PDE3A: variants seen among roughly 807,000 people sequenced by gnomAD.
The protein encoded by PDE3A is cGMP-inhibited 3',5'-cyclic phosphodiesterase 3A.
In PDE3A, 43 loss-of-function variants were observed where a neutral mutation model predicts 98.3. The observed-to-expected ratio is 0.44, with a 90% CI of 0.34 to 0.56. The LOEUF (loss-of-function observed/expected upper bound fraction) is 0.56, where lower values mean the gene tolerates loss of function less well. Ranked by LOEUF, PDE3A falls within the 20% of genes least tolerant of loss-of-function variation. The probability of loss-of-function intolerance (pLI) is 0.01; values close to 1 mark genes in which losing one functional copy is unlikely to be tolerated. For missense variants in PDE3A, 1,427 were observed against 1,440.7 expected (o/e 0.99, Z 0.15); for synonymous variants, 663 against 567.9 (o/e 1.17, Z -2.38).
chr12:20,413,462 A>G (rs938515241), intron 1 of PDE3A, among the ~76,000 whole-genome samples: 2 of 152,122 alleles, frequency 1.3e-5, no homozygotes, highest in African/African-American at 4.8e-5. Context: ...GCCCAGCAAG[A>G]AACAGAAATT....
In PDE3A at chr12:20,681,143, A is replaced by G. The variant is rs1215118689; in HGVS notation, c.*872A>G. 1 of 152,094 alleles carries G rather than the reference A, an allele frequency of 6.6e-6. No homozygotes were observed. Among genetic ancestry groups the G allele is most frequent in the African/African-American group, 2.4e-5 (1 of 41,404 alleles). 9.4% of individuals were successfully genotyped at this position (152,094 alleles called of 1,614,324 possible). A position where few individuals can be genotyped will look rare whatever the true frequency, so the allele number is the denominator to read the frequency against. On this transcript the variant is annotated 3_prime_UTR_variant, in exon 16 of 16. Coordinates refer to ENST00000359062, the MANE Select transcript of PDE3A (RefSeq NM_000921.5). ...ACGTGTTTGGTATTACATTACTGCT[A>G]TGCACCACTTGAAGGAGCTCTATCA...
At chr12:20,651,584 G>A (rs939996835) in intron 14 of PDE3A, among the ~76,000 whole-genome samples, 2 of 152,106 alleles carry the variant, frequency 1.3e-5, no homozygotes, top group African/African-American at 4.8e-5. Flanking sequence ...GTCTATAGAA[G>A]TTATTGGGAG....
chr12:20,599,696 C>T (rs986520953), intron 2 of PDE3A, among the ~76,000 whole-genome samples: 1 of 152,048 alleles, frequency 6.6e-6, no homozygotes, highest in Non-Finnish European at 1.5e-5. Flanking sequence ...CTGTGTTTAC[C>T]CTTCAGCATT....
intron 2 of PDE3A, among the ~76,000 whole-genome samples, chr12:20,596,827 T>G (rs1019733891): frequency 3.3e-5 from 5 of 152,180 alleles, no homozygotes; most frequent in African/African-American, 9.7e-5. Flanking sequence ...CAAGTTCCCC[T>G]TAATAATCTT....
At chr12:20,662,653 A>G (rs1471536812) in intron 15 of PDE3A, among the ~76,000 whole-genome samples, 1 of 152,222 alleles carries the variant, frequency 6.6e-6, no homozygotes, top group East Asian at 1.9e-4. Context: ...AAAGCACTCA[A>G]GAGGTGACTT....
intron 10 of PDE3A, among the ~76,000 whole-genome samples, chr12:20,641,653 G>A (rs1374609826): frequency 6.6e-6 from 1 of 151,880 alleles, no homozygotes; most frequent in African/African-American, 2.4e-5. Flanking sequence ...TTTCACAGGT[G>A]GTATATCATT....
intron 2 of PDE3A, among the ~76,000 whole-genome samples, chr12:20,562,627 A>G (rs1224938295): frequency 2.6e-5 from 4 of 152,084 alleles, no homozygotes; most frequent in African/African-American, 4.8e-5. Flanking sequence ...GATTAGTTCA[A>G]TTTGTGAATT....
chr12:20,569,899 C>T (rs1411737971), intron 2 of PDE3A, among the ~76,000 whole-genome samples: 1 of 152,126 alleles, frequency 6.6e-6, no homozygotes, highest in Non-Finnish European at 1.5e-5. Context: ...TTATGGCATA[C>T]AGAACAGAAT....
Position 20,567,772 on chromosome 12 carries a change from T to C in PDE3A, c.1011+11062T>C, listed in dbSNP as rs541732588. On this transcript the variant is annotated intron_variant, in intron 2 of 15. Coordinates refer to ENST00000359062, the MANE Select transcript of PDE3A (RefSeq NM_000921.5). ...CATGATATGACCAGGCTTTTCACTA[T>C]GTTTTGCCATTTATTTGGCTTAAAA... Among the ~76,000 whole-genome samples, 14 of 152,094 alleles carry C rather than the reference T, an allele frequency of 9.2e-5. No individual in the cohort carries two copies. In the East Asian group the frequency reaches 2.3e-3, roughly 25 times the overall value.
At chr12:20,583,172 T>A (rs1943110818) in intron 2 of PDE3A, among the ~76,000 whole-genome samples, 1 of 152,172 alleles carries the variant, frequency 6.6e-6, no homozygotes, top group Non-Finnish European at 1.5e-5. Context: ...AGAGTAAGTT[T>A]TTGAATATAA....
intron 2 of PDE3A, chr12:20,572,301 A>C (rs1475756423): frequency 4.2e-6 from 1 of 237,180 alleles, no homozygotes; most frequent in Non-Finnish European, 8.0e-6. Flanking sequence ...GGCTCAGTGT[A>C]TTTATTAAAT....
At chr12:20,389,342 A>T (rs1031330416) in intron 1 of PDE3A, among the ~76,000 whole-genome samples, 1 of 151,924 alleles carries the variant, frequency 6.6e-6, no homozygotes, top group African/African-American at 2.4e-5. Flanking sequence ...GAGGTTATCC[A>T]CTGAGGAGGC....
chr12:20,676,266 T>G (rs970172567), intron 15 of PDE3A, among the ~76,000 whole-genome samples: 8 of 152,140 alleles, frequency 5.3e-5, no homozygotes, highest in Non-Finnish European at 8.8e-5. Context: ...GGTCTAGTGG[T>G]GATGAATTCT....
intron 1 of PDE3A, among the ~76,000 whole-genome samples, chr12:20,492,077 T>C (rs1353489958): frequency 2.6e-5 from 4 of 152,084 alleles, no homozygotes; most frequent in African/African-American, 9.7e-5. Flanking sequence ...ATCTCCCACG[T>C]TGAAGCTATT....
chr12:20,374,590 A>G (rs1326941143), intron 1 of PDE3A, among the ~76,000 whole-genome samples: 4 of 152,050 alleles, frequency 2.6e-5, no homozygotes, highest in East Asian at 1.9e-4. Flanking sequence ...GTTGTAGTCT[A>G]TTAGAAAATT....
Position 20,629,931 on chromosome 12 carries a change from C to T in PDE3A, c.1564C>T (p.Leu522Phe). ...AGGTGCCCTCGCTAAAATTTCACCT[C>T]TTTCATCGCCCTGCTCCTCACCTCT... Reference protein sequence around the residue: ...RPGALAKISPLSSPCSSPLQG... With the variant: ...RPGALAKISPFSSPCSSPLQG... The change falls in exon 6 of 16, where the codon CTT (leucine) becomes TTT (phenylalanine). Residue 522 changes from leucine (L) to phenylalanine (F), a missense_variant. Physicochemically the swap from Leu to Phe is conservative, Grantham distance 22. This residue lies in a region of PDE3A where 1,012 missense variants were observed against 886.5 expected (regional missense o/e 1.14). Coordinates refer to ENST00000359062, the MANE Select transcript of PDE3A (RefSeq NM_000921.5). 1.2e-6 allele frequency: 2 copies of T among 1,613,950 alleles called. No homozygotes were observed. The highest frequency in any genetic ancestry group is 8.5e-7 in the Non-Finnish European group (1 of 1,179,878).
chr12:20,522,809 G>C (rs1441521185), intron 1 of PDE3A, among the ~76,000 whole-genome samples: 1 of 152,014 alleles, frequency 6.6e-6, no homozygotes, highest in Non-Finnish European at 1.5e-5. Flanking sequence ...AAATGGGGTG[G>C]GGCAGGGAAA....
intron 15 of PDE3A, among the ~76,000 whole-genome samples, chr12:20,654,706 G>A (rs1945003155): frequency 7.2e-6 from 1 of 139,802 alleles, no homozygotes; most frequent in Non-Finnish European, 1.5e-5. Flanking sequence ...TAGAGATCGG[G>A]TTTCACCATG....
rs763231909 is a variant in PDE3A at position 20,369,630 on chromosome 12, C to A, written c.346C>A (p.Arg116=). The A allele has an allele frequency of 7.6e-6, 12 of 1,587,580 alleles. No homozygotes were observed. The Admixed American group carries it at 2.0e-4, about 26-fold the overall frequency. The change falls in exon 1 of 16, where the codon CGG becomes AGG. Residue 116 remains arginine, a synonymous_variant. Transcript: ENST00000359062. ...AGAAGGGGGCGTCTTCCCGGGGCCT[C>A]GGGGAGGTGCTCCCGGGGGCGGTGC... is the stretch of plus-strand genomic sequence containing the variant. ...GAEGGVFPGP[R]GGAPGGGARL...
Sources: gnomAD v4.1 joint callset for allele counts (sites outside exome capture counted in the v4.1 genomes callset) on GRCh38, gnomAD v4.1.1 for gene constraint, gnomAD v4.1.1 regional missense constraint, MANE v1.5 for transcripts, NCBI Gene and HGNC (gene_info 2026-07-23, HGNC 2026-07-21) for gene names.